The following MUC12 variants were observed in gnomAD, a reference collection of about 807,000 sequenced individuals.
The protein encoded by MUC12 is mucin-12.
MUC12 carries 172 observed loss-of-function variants against 230.8 expected under a neutral mutation model. The observed-to-expected ratio is 0.75, with a 90% CI of 0.66 to 0.85. The LOEUF is 0.85. Among genes scored for constraint, MUC12 ranks in the 40% least tolerant of loss-of-function variants. The pLI is 0.00. For synonymous variants in MUC12, 1,259 were observed against 2,401.9 expected (o/e 0.52, Z 13.91); for missense variants, 3,506 against 5,920.6 (o/e 0.59, Z 13.38).
chr7:101,013,830 G>A (rs1793875781), intron 8 of MUC12, 83 bp from the exon 9 acceptor site: 2 of 1,403,754 alleles, frequency 1.4e-6, no homozygotes, highest in Non-Finnish European at 1.9e-6. Context: ...CTGGTTTCCT[G>A]TGCTTAGGAG....
chr7:101,002,858 G>C lies in MUC12; in HGVS notation c.12295G>C (p.Val4099Leu). Reference protein sequence around the residue: ...TTPSPPSTTAVPVEVSTTYHS... With the variant: ...TTPSPPSTTALPVEVSTTYHS... ...ACCTTCACCTCCCAGCACCACAGCA[G>C]TCCCTGTTGAAGTATCCACAACCTA... The change falls in exon 2 of 12, where the codon GTC becomes CTC. Residue 4099 changes from valine (V) to leucine (L), a missense_variant. By Grantham distance (32) the Val-to-Leu change is conservative. Coordinates refer to ENST00000536621, the MANE Select transcript of MUC12 (RefSeq NM_001164462.2). 1.9e-6 allele frequency: 2 copies of C among 1,052,646 alleles called. No individual in the cohort carries two copies. Among genetic ancestry groups the C allele is most frequent in the South Asian group, 3.2e-5 (2 of 62,708 alleles). 65.2% of individuals were successfully genotyped at this position (1,052,646 alleles called of 1,614,324 possible).
chr7:101,007,346 T>C (rs933953709), intron 3 of MUC12, among the ~76,000 whole-genome samples: 1 of 152,230 alleles, frequency 6.6e-6, no homozygotes, highest in Non-Finnish European at 1.5e-5. Context: ...TCATCCTTTC[T>C]AACTATACAT....
At chr7:101,006,188 G>C (rs180990600) in intron 2 of MUC12, among the ~76,000 whole-genome samples, 44 of 152,220 alleles carry the variant, frequency 2.9e-4, no homozygotes, top group East Asian at 1.4e-3. Context: ...CCCTGTTCCA[G>C]GTGATCCCAT....
In MUC12 at chr7:101,002,901, C is replaced by A; in HGVS notation, c.12338C>A (p.Ser4113Ter). ...VSTTYHSRPS[S>*]TPTTHFSASS... ...ACAACCTACCACAGCCGCCCGAGCT[C>A]AACTCCAACAACACACTTTTCTGCC... The change falls in exon 2 of 12, where the codon TCA becomes TAA. Residue 4113 changes from serine to a stop codon, truncating the protein, a stop_gained. Coordinates refer to ENST00000536621, the MANE Select transcript of MUC12 (RefSeq NM_001164462.2). LOFTEE classifies it high-confidence loss of function. 8.2e-7 allele frequency: 1 copy of A among 1,215,318 alleles called. No homozygotes were observed. The allele number at this position is 1,215,318 out of a possible 1,614,324, so 75.3% of individuals were successfully genotyped here. A position where few individuals can be genotyped will look rare whatever the true frequency, so the allele number is the denominator to read the frequency against.
Position 100,995,247 on chromosome 7 carries a change from C to A in MUC12, c.4684C>A (p.Leu1562Ile). 1.4e-6 allele frequency: 2 copies of A among 1,475,902 alleles called. No homozygotes were observed. Among genetic ancestry groups the A allele is most frequent in the Non-Finnish European group, 9.0e-7 (1 of 1,110,566 alleles). 91.4% of individuals were successfully genotyped at this position (1,475,902 alleles called of 1,614,324 possible). A position where few individuals can be genotyped will look rare whatever the true frequency, so the allele number is the denominator to read the frequency against. ...YSSPRSPDTT[L>I]SPASTTSSGV... ...TAGCCCCAGATCACCGGACACAACA[C>A]TCTCACCTGCCAGCACGACAAGCTC... Residue 1562 changes from leucine (L) to isoleucine (I), a missense_variant, in exon 2 of 12, where the codon CTC becomes ATC. Leu to Ile is a conservative substitution (Grantham distance 5, BLOSUM62 2). Coordinates refer to ENST00000536621, the MANE Select transcript of MUC12 (RefSeq NM_001164462.2).
Position 101,005,422 on chromosome 7 carries a change from C to T in MUC12, c.14859C>T (p.Ser4953=), listed in dbSNP as rs745322881. 1.3e-6 allele frequency: 2 copies of T among 1,537,918 alleles called. No individual in the cohort carries two copies. The highest frequency in any genetic ancestry group is 1.4e-5 in the African/African-American group (1 of 73,152). Residue 4953 remains serine (S), a synonymous_variant, in exon 2 of 12, where the codon AGC becomes AGT. Coordinates refer to ENST00000536621, the MANE Select transcript of MUC12 (RefSeq NM_001164462.2). ...TYTTLFPASS[S]TSGLTEESTT... ...CAACACTCTTTCCTGCGAGTTCCAG[C>T]ACATCAGGCCTCACTGAGGAATCTA... is the stretch of plus-strand genomic sequence containing the variant.
chr7:101,005,132 C>T lies in MUC12; in HGVS notation c.14569C>T (p.Pro4857Ser), dbSNP rs757550219. ...GGAATCTACCACCTTCTACAGCAGC[C>T]CAGGCTCAACTGAAACCACAGCGTT... ...SEESTTFYSS[P>S]GSTETTAFSH... is the part of the protein sequence containing the mutation. The change falls in exon 2 of 12, where the codon CCA becomes TCA. Residue 4857 changes from proline to serine, a missense_variant. By Grantham distance (74) the Pro-to-Ser change is moderately conservative (BLOSUM62 -1). Transcript: ENST00000536621. The T allele has an allele frequency of 9.8e-6, 15 of 1,537,842 alleles. No homozygotes were observed. The South Asian group carries it at 1.8e-4, about 18-fold the overall frequency.
At chr7:100,989,579 T>C (rs546684176) in intron 1 of MUC12, among the ~76,000 whole-genome samples, 4 of 152,280 alleles carry the variant, frequency 2.6e-5, no homozygotes, top group African/African-American at 9.6e-5. Flanking sequence ...TAGATGAACA[T>C]GTCCCAGTGT....
intron 1 of MUC12, among the ~76,000 whole-genome samples, chr7:100,976,597 C>T (rs1483740786): frequency 2.3e-5 from 2 of 85,932 alleles, no homozygotes; most frequent in African/African-American, 4.2e-5. Context: ...GAGCGAGACT[C>T]TTTATAAAAA....
At chr7:101,009,004 C>G in intron 4 of MUC12, 91 bp from the exon 5 acceptor site, 1 of 1,436,186 alleles carries the variant, frequency 7.0e-7, no homozygotes, top group Non-Finnish European at 9.5e-7. Context: ...CTGGGCTCCA[C>G]AGAAAGGTGC....
chr7:101,012,554 C>T, intron 6 of MUC12, 107 bp downstream of exon 6: 1 of 1,292,726 alleles, frequency 7.7e-7, no homozygotes, highest in Non-Finnish European at 1.0e-6. Flanking sequence ...AAGACTTCTG[C>T]CACAGGAACC....
In MUC12 at chr7:101,013,006, G is replaced by A. The variant is rs367905495; in HGVS notation, c.15502G>A (p.Gly5168Arg). 6.5e-7 allele frequency: 1 copy of A among 1,537,216 alleles called. No homozygotes were observed. The highest frequency in any genetic ancestry group is 1.4e-5 in the African/African-American group (1 of 73,042). ...GCAATGCACCCAGAAGGCTGCCGAAGGATATACCCAGTTCTACTATGTGGA... is the reference window on the plus strand; with the variant it reads ...GCAATGCACCCAGAAGGCTGCCGAAAGATATACCCAGTTCTACTATGTGGA... Reference protein sequence around the residue: ...QEQCTQKAAEGYTQFYYVDVL... With the variant: ...QEQCTQKAAERYTQFYYVDVL... Residue 5168 changes from glycine (G) to arginine (R), a missense_variant, in exon 8 of 12, where the codon GGA (glycine) becomes AGA (arginine). Transcript: ENST00000536621.
chr7:100,984,284 T>A (rs2116284587), intron 1 of MUC12, among the ~76,000 whole-genome samples: 1 of 147,968 alleles, frequency 6.8e-6, no homozygotes, highest in Non-Finnish European at 1.5e-5. Context: ...TTTGACAGAG[T>A]CTCGCTGTGT....
rs1255175067 is a variant in MUC12, at chr7:101,004,930, C to T, written c.14367C>T (p.Gly4789=). Residue 4789 remains glycine, a synonymous_variant, in exon 2 of 12, where the codon GGC becomes GGT. Transcript: ENST00000536621. ...TCCCTGCCAGCACCACCACCTCAGG[C>T]CTCAGTCAGGAATCAACAACTTTCC... ...TAFPASTTTS[G]LSQESTTFHS... is the part of the protein sequence containing the mutation. 7.8e-6 allele frequency: 12 copies of T among 1,537,898 alleles called. No individual in the cohort carries two copies. Among genetic ancestry groups the T allele is most frequent in the Non-Finnish European group, 9.6e-6 (11 of 1,147,054 alleles).
rs1218462464 is a variant in MUC12 at position 101,012,968 on chromosome 7, C to T, written c.15476-12C>T. 10 of 1,537,138 alleles carry T rather than the reference C, an allele frequency of 6.5e-6. No individual in the cohort carries two copies. The highest frequency in any genetic ancestry group is 1.4e-5 in the African/African-American group (1 of 73,012). Reference sequence around the variant, plus strand: ...GCCAGGCTCATGCATGCTGCCCGCCCCTCTCCCTCAGAGCAATGCACCCAG... The same window carrying T: ...GCCAGGCTCATGCATGCTGCCCGCCTCTCTCCCTCAGAGCAATGCACCCAG... On this transcript the variant is annotated splice_polypyrimidine_tract_variant and intron_variant, in intron 7 of 11. Coordinates refer to ENST00000536621, the MANE Select transcript of MUC12 (RefSeq NM_001164462.2).
chr7:101,015,517 G>A, intron 9 of MUC12, 98 bp from the exon 10 acceptor site: 1 of 984,804 alleles, frequency 1.0e-6, no homozygotes, highest in Non-Finnish European at 1.5e-6. Flanking sequence ...TCGGGGTGTG[G>A]CTGTGACTGT....
intron 1 of MUC12, among the ~76,000 whole-genome samples, chr7:100,978,837 T>C (rs570243495): frequency 6.2e-4 from 94 of 152,352 alleles, no homozygotes; most frequent in African/African-American, 2.1e-3. Context: ...AGAGACAGCG[T>C]CTTTCTCTGT....
At position 101,005,000 on chromosome 7, in the gene MUC12, A is replaced by G. The variant is rs1304198499; in HGVS notation, c.14437A>G (p.Ile4813Val). The change falls in exon 2 of 12, where the codon ATC (isoleucine) becomes GTC (valine). Residue 4813 changes from isoleucine to valine, a missense_variant. Transcript: ENST00000536621. Reference protein sequence around the residue: ...STETTLSPGSITTSSFAQEFT... With the variant: ...STETTLSPGSVTTSSFAQEFT... ...TGAGACAACACTGTCCCCTGGCAGC[A>G]TCACAACTTCATCTTTTGCTCAAGA... 3 of 1,537,690 alleles carry G rather than the reference A, an allele frequency of 2.0e-6. No homozygotes were observed. In the East Asian group the frequency reaches 7.3e-5, roughly 38 times the overall value.
At chr7:101,008,806 T>A in intron 4 of MUC12, 45 bp downstream of exon 4, 1 of 1,512,554 alleles carries the variant, frequency 6.6e-7, no homozygotes, top group South Asian at 1.2e-5. Context: ...ATGTCCCACG[T>A]GAGAGGAAAT....
Sources: allele counts gnomAD v4.1 joint callset (sites outside exome capture counted in the v4.1 genomes callset), GRCh38; gene constraint gnomAD v4.1.1; transcripts MANE v1.5; gene names NCBI Gene and HGNC (gene_info 2026-07-23, HGNC 2026-07-21).